The following FIG4 variants were observed in gnomAD, a reference collection of about 807,000 sequenced individuals.
FIG4 encodes the protein polyphosphoinositide phosphatase.
In FIG4, 112 loss-of-function variants were observed where a neutral mutation model predicts 118.6. That is an observed-to-expected ratio of 0.94 (90% CI 0.81 to 1.11). FIG4 has a LOEUF of 1.11. Among genes scored for constraint, FIG4 ranks in the 50% least tolerant of loss-of-function variants. FIG4 has a pLI of 0.00. For missense variants in FIG4, 969 were observed against 1,111.7 expected, an observed-to-expected ratio of 0.87 and a Z score of 1.83; for synonymous variants, 369 against 381.2, an observed-to-expected ratio of 0.97 and a Z score of 0.37.
Position 109,763,972 on chromosome 6 carries a change from G to C in FIG4, c.1424G>C (p.Gly475Ala). ...CTAGGAGGATGTGTGATTCCCACTG[G>C]TCGCCTGCAGGTATACACAGTATTA... ...NELGGCVIPTGRLQTGILRTN... is the reference protein window; with the variant it reads ...NELGGCVIPTARLQTGILRTN... The change falls in exon 13 of 23, where the codon GGT becomes GCT. Residue 475 changes from glycine to alanine, a missense_variant. Physicochemically the swap from Gly to Ala is moderately conservative, Grantham distance 60. Coordinates refer to ENST00000230124, the MANE Select transcript of FIG4 (RefSeq NM_014845.6). 6 of 1,606,008 alleles carry C rather than the reference G, an allele frequency of 3.7e-6. No individual in the cohort carries two copies. Among genetic ancestry groups the C allele is most frequent in the Non-Finnish European group, 5.1e-6 (6 of 1,172,656 alleles).
At chr6:109,788,753 A>G (rs1349930601) in intron 18 of FIG4, among the ~76,000 whole-genome samples, 2 of 152,248 alleles carry the variant, frequency 1.3e-5, no homozygotes, top group African/African-American at 4.8e-5. Context: ...ATTTTAGGCC[A>G]GAATCAAGAT....
chr6:109,704,140 T>C (rs1472078624), intron 1 of FIG4, among the ~76,000 whole-genome samples: 1 of 152,212 alleles, frequency 6.6e-6, no homozygotes, highest in South Asian at 2.1e-4. Context: ...CATCTCGACA[T>C]CAGTAAGTGG....
intron 3 of FIG4, among the ~76,000 whole-genome samples, chr6:109,724,133 G>A (rs764821141): frequency 6.6e-5 from 10 of 151,870 alleles, no homozygotes; most frequent in East Asian, 1.9e-4. Flanking sequence ...GAGGTTCCAC[G>A]AACAAACGAA....
At chr6:109,737,081 C>T (rs1182873837) in intron 6 of FIG4, among the ~76,000 whole-genome samples, 1 of 152,110 alleles carries the variant, frequency 6.6e-6, no homozygotes, top group African/African-American at 2.4e-5. Flanking sequence ...GGAACCTTAA[C>T]TTCATCTGCA....
At chr6:109,741,607 G>A in intron 8 of FIG4, 63 bp downstream of exon 8, 5 of 1,019,022 alleles carry the variant, frequency 4.9e-6, no homozygotes, top group Non-Finnish European at 6.3e-6. Flanking sequence ...TGCTGATGTA[G>A]AAGCACAGTG....
chr6:109,784,979 C>T lies in FIG4; in HGVS notation c.1899C>T (p.Tyr633=), dbSNP rs1324354491. Residue 633 remains tyrosine, a synonymous_variant, in exon 17 of 23, where the codon TAC becomes TAT. Coordinates refer to ENST00000230124, the MANE Select transcript of FIG4 (RefSeq NM_014845.6). The part of the protein sequence containing the change: ...RLLPTRRSYT[Y]WWTPEVIKHL... ...AATTTTTATTTTATAGTTATACTTA[C>T]TGGTGGACACCAGAGGTGATAAAGC... 1.3e-6 allele frequency: 2 copies of T among 1,532,528 alleles called. No individual in the cohort carries two copies. The highest frequency in any genetic ancestry group is 9.0e-7 in the Non-Finnish European group (1 of 1,111,244). The allele number at this position is 1,532,528 out of a possible 1,614,324, so 94.9% of individuals were successfully genotyped here. A position where few individuals can be genotyped will look rare whatever the true frequency, so the allele number is the denominator to read the frequency against.
intron 3 of FIG4, among the ~76,000 whole-genome samples, chr6:109,718,915 A>G (rs563504975): frequency 7.4e-6 from 1 of 135,346 alleles, no homozygotes; most frequent in East Asian, 2.0e-4. Flanking sequence ...TTGATACCTT[A>G]TTACATTTTT....
intron 22 of FIG4, among the ~76,000 whole-genome samples, chr6:109,824,378 ATAGT>A (rs1296686647): frequency 5.4e-4 from 82 of 152,342 alleles, no homozygotes; most frequent in African/African-American, 1.9e-3. Flanking sequence ...GCCATGTCCA[ATAGT>A]TAGACACATT....
At chr6:109,815,501 C>CCA (rs1401555762) in intron 22 of FIG4, among the ~76,000 whole-genome samples, 7 of 127,148 alleles carry the variant, frequency 5.5e-5, no homozygotes, top group African/African-American at 2.0e-4. Context: ...GGCTGCCCCC[C>CCA]CCACCCCCCC....
At chr6:109,745,287 G>A (rs1007917178) in intron 10 of FIG4, among the ~76,000 whole-genome samples, 7 of 151,938 alleles carry the variant, frequency 4.6e-5, no homozygotes, top group South Asian at 4.1e-4. Context: ...ATTTTTCCAC[G>A]TCATCTCCAG....
intron 22 of FIG4, among the ~76,000 whole-genome samples, chr6:109,817,568 TA>T (rs5879047): frequency 0.36 from 50,299 of 139,766 alleles, 9,262 homozygotes; most frequent in Middle Eastern, 0.49. Context: ...AGAGAGTGTG[TA>T]AAAAAAAAAA....
At chr6:109,711,910 C>T (rs1775277025) in intron 1 of FIG4, among the ~76,000 whole-genome samples, 1 of 152,168 alleles carries the variant, frequency 6.6e-6, no homozygotes, top group Non-Finnish European at 1.5e-5. Context: ...TCTTTCCTTT[C>T]CGTATTTAGT....
At chr6:109,722,531 C>G (rs1045961263) in intron 3 of FIG4, among the ~76,000 whole-genome samples, 1 of 152,046 alleles carries the variant, frequency 6.6e-6, no homozygotes, top group Non-Finnish European at 1.5e-5. Context: ...GAGAGACACA[C>G]ACACACATAC....
chr6:109,818,202 C>A (rs1562700492), intron 22 of FIG4, among the ~76,000 whole-genome samples: 9 of 144,896 alleles, frequency 6.2e-5, no homozygotes. Context: ...ATTCACATAA[C>A]TTTTTTTTTT....
At chr6:109,796,730 T>G in intron 21 of FIG4, 35 bp from the exon 22 acceptor site, 1 of 1,257,136 alleles carries the variant, frequency 8.0e-7, no homozygotes, top group South Asian at 1.2e-5. Context: ...AAGTACTCCC[T>G]TCTTTAGCTG....
chr6:109,717,164 T>C (rs1775459005), intron 3 of FIG4, among the ~76,000 whole-genome samples: 1 of 152,182 alleles, frequency 6.6e-6, no homozygotes, highest in Non-Finnish European at 1.5e-5. Context: ...AGCTTTGGTT[T>C]ACCAACTCAG....
At position 109,760,175 on chromosome 6, in the gene FIG4, AAAAGT is replaced by A. The variant is rs1324942606; in HGVS notation, c.1138-71_1138-67del. ...GGATTTTTTTGTCTTAGCTTAGCTT[AAAAGT>A]AAACATGTTGAGCCTGTTCCTCTGA... On this transcript the variant is annotated intron_variant, in intron 10 of 22. Coordinates refer to ENST00000230124, the MANE Select transcript of FIG4 (RefSeq NM_014845.6). 5 of 1,326,954 alleles carry A rather than the reference AAAAGT, an allele frequency of 3.8e-6. No individual in the cohort carries two copies. In the African/African-American group the frequency reaches 7.2e-5, roughly 19 times the overall value. 82.2% of individuals were successfully genotyped at this position (1,326,954 alleles called of 1,614,324 possible).
chr6:109,821,225 G>C (rs1778996991), intron 22 of FIG4, among the ~76,000 whole-genome samples: 1 of 152,150 alleles, frequency 6.6e-6, no homozygotes, highest in South Asian at 2.1e-4. Flanking sequence ...TTGAGGAAGG[G>C]GAGCAGAGAG....
intron 10 of FIG4, among the ~76,000 whole-genome samples, chr6:109,752,093 GT>G (rs1475995721): frequency 1.3e-5 from 2 of 148,320 alleles, no homozygotes; most frequent in Non-Finnish European, 3.0e-5. Context: ...GCGGTGTTTG[GT>G]TTTTTGTTCT....
Sources: allele counts gnomAD v4.1 joint callset (sites outside exome capture counted in the v4.1 genomes callset), GRCh38; gene constraint gnomAD v4.1.1; transcripts MANE v1.5; gene names NCBI Gene and HGNC (gene_info 2026-07-23, HGNC 2026-07-21).